Variants in BICD1 observed in about 807,000 individuals in gnomAD.
BICD1 encodes protein bicaudal D homolog 1.
In BICD1, 35 loss-of-function variants were observed where a neutral mutation model predicts 92.5. That is an observed-to-expected ratio of 0.38 (90% confidence interval 0.29 to 0.50). The LOEUF is 0.50. BICD1 is among the 20% of genes least tolerant of loss of function. The probability of loss-of-function intolerance (pLI) is 0.93; values close to 1 mark genes in which losing one functional copy is unlikely to be tolerated. For missense variants in BICD1, 950 were observed against 1,189.8 expected (o/e 0.80, Z 2.97); for synonymous variants, 429 against 465.1 (o/e 0.92, Z 1.00).
At chr12:32,214,649 T>C (rs1236495681) in intron 1 of BICD1, among the ~76,000 whole-genome samples, 2 of 152,148 alleles carry the variant, frequency 1.3e-5, no homozygotes, top group Non-Finnish European at 2.9e-5. Context: ...ATTTCCATAA[T>C]CTCTATGAGA....
At chr12:32,294,835 A>C in intron 3 of BICD1, among the ~76,000 whole-genome samples, 1 of 151,952 alleles carries the variant, frequency 6.6e-6, no homozygotes, top group South Asian at 2.1e-4. Flanking sequence ...TAATCCCAGC[A>C]CTTTGGGAGG....
At chr12:32,202,913 A>G (rs1944946673) in intron 1 of BICD1, among the ~76,000 whole-genome samples, 1 of 152,202 alleles carries the variant, frequency 6.6e-6, no homozygotes, top group East Asian at 1.9e-4. Flanking sequence ...ACCAGGCCCA[A>G]AGTTAAAATA....
intron 1 of BICD1, among the ~76,000 whole-genome samples, chr12:32,140,668 G>A (rs1231223408): frequency 3.9e-5 from 6 of 152,060 alleles, no homozygotes; most frequent in Non-Finnish European, 8.8e-5. Context: ...TACGCGCACC[G>A]TATTTGATTC....
At chr12:32,196,001 T>C (rs1051633182) in intron 1 of BICD1, among the ~76,000 whole-genome samples, 1 of 152,168 alleles carries the variant, frequency 6.6e-6, no homozygotes, top group Non-Finnish European at 1.5e-5. Flanking sequence ...TGGACATTTT[T>C]CCAAAGAAGA....
chr12:32,263,344 C>T (rs1325756314), intron 2 of BICD1, among the ~76,000 whole-genome samples: 1 of 151,934 alleles, frequency 6.6e-6, no homozygotes, highest in Non-Finnish European at 1.5e-5. Context: ...GTCAGGAGTT[C>T]AAGACCACTC....
At chr12:32,245,368 T>G (rs545482184) in intron 2 of BICD1, among the ~76,000 whole-genome samples, 1 of 152,090 alleles carries the variant, frequency 6.6e-6, no homozygotes, top group African/African-American at 2.4e-5. Context: ...AAGAGCTTAG[T>G]TTAAGCTCAA....
chr12:32,265,255 C>G (rs1946960221), intron 2 of BICD1, among the ~76,000 whole-genome samples: 1 of 152,118 alleles, frequency 6.6e-6, no homozygotes, highest in South Asian at 2.1e-4. Flanking sequence ...GCTTCCTGTA[C>G]TTCGTTCAGT....
At chr12:32,333,710 A>G (rs1184755491) in intron 5 of BICD1, among the ~76,000 whole-genome samples, 1 of 152,216 alleles carries the variant, frequency 6.6e-6, no homozygotes, top group Non-Finnish European at 1.5e-5. Context: ...GCAATCCCTA[A>G]GTATACACTG....
intron 1 of BICD1, among the ~76,000 whole-genome samples, chr12:32,130,764 C>T (rs1165020829): frequency 6.6e-6 from 1 of 152,028 alleles, no homozygotes; most frequent in African/African-American, 2.4e-5. Context: ...TAAAAGTAAT[C>T]GAAGTATGCT....
rs962354642 is a variant in BICD1 at position 32,190,146 on chromosome 12, C to CA, written c.214-26092dup. ...AGAAATGAATCAAAGCATACCACTA[C>CA]AAAAAAAAATTTAAAGTCACAAAGC... is the stretch of plus-strand genomic sequence containing the variant. On this transcript the variant is annotated intron_variant, in intron 1 of 9. Transcript: ENST00000652176. Among the ~76,000 whole-genome samples, 263 of 150,622 alleles carry CA rather than the reference C, an allele frequency of 1.7e-3. 1 individual carries two copies. Among genetic ancestry groups the CA allele is most frequent in the Middle Eastern group, 6.8e-3 (2 of 294 alleles).
intron 2 of BICD1, among the ~76,000 whole-genome samples, chr12:32,221,363 AT>A (rs1565597234): frequency 2.3e-4 from 34 of 150,986 alleles, no homozygotes; most frequent in African/African-American, 8.2e-4. Flanking sequence ...AAAAAAATAA[AT>A]AAATAAATAA....
At chr12:32,134,755 T>C (rs1332517700) in intron 1 of BICD1, among the ~76,000 whole-genome samples, 1 of 152,172 alleles carries the variant, frequency 6.6e-6, no homozygotes. Context: ...TGTGTGGTTG[T>C]TAAACTTTCT....
At chr12:32,346,005 C>T (rs1398790220) in intron 8 of BICD1, among the ~76,000 whole-genome samples, 4 of 151,760 alleles carry the variant, frequency 2.6e-5, no homozygotes, top group Admixed American at 6.6e-5. Flanking sequence ...AAAGATTATT[C>T]GGGCATAGTG....
intron 1 of BICD1, among the ~76,000 whole-genome samples, chr12:32,156,856 C>A (rs1347491391): frequency 6.6e-6 from 1 of 152,194 alleles, no homozygotes; most frequent in African/African-American, 2.4e-5. Flanking sequence ...TTGAAAATTA[C>A]TAGTGGTCAA....
chr12:32,259,693 C>G (rs954879663), intron 2 of BICD1, among the ~76,000 whole-genome samples: 1 of 152,186 alleles, frequency 6.6e-6, no homozygotes, highest in Non-Finnish European at 1.5e-5. Flanking sequence ...ACTTCACTTA[C>G]ACTCACATTT....
At position 32,271,276 on chromosome 12, in the gene BICD1, T is replaced by C. The variant is rs543743734; in HGVS notation, c.427-22718T>C. On this transcript the variant is annotated intron_variant, in intron 2 of 9. Transcript: ENST00000652176. Reference sequence around the variant, plus strand: ...TGTTTCCACAGTGCTTCCAGCCCTCTCCCCAGTTTGGAGGCCCCCAAAATG... The same window carrying C: ...TGTTTCCACAGTGCTTCCAGCCCTCCCCCCAGTTTGGAGGCCCCCAAAATG... 1.6e-4 allele frequency among the ~76,000 whole-genome samples: 24 copies of C among 152,230 alleles called. 1 individual carries two copies. Among genetic ancestry groups the C allele is most frequent in the Admixed American group, 1.3e-3 (20 of 15,288 alleles).
At chr12:32,217,317 G>A (rs1489048014) in intron 2 of BICD1, among the ~76,000 whole-genome samples, 1 of 152,170 alleles carries the variant, frequency 6.6e-6, no homozygotes, top group East Asian at 1.9e-4. Flanking sequence ...GCATTTTAGT[G>A]ATAGAAATAT....
Position 32,327,605 on chromosome 12 carries a change from A to C in BICD1, c.1150A>C (p.Ser384Arg), listed in dbSNP as rs1014205883. 1 of 1,614,156 alleles carries C rather than the reference A, an allele frequency of 6.2e-7. No homozygotes were observed. The highest frequency in any genetic ancestry group is 8.5e-7 in the Non-Finnish European group (1 of 1,180,014). The change falls in exon 5 of 10, where the codon AGC becomes CGC. Residue 384 changes from serine to arginine, a missense_variant. By Grantham distance (110) the Ser-to-Arg change is moderately radical. Around this residue, in one of 5 missense-constraint regions of BICD1, gnomAD observed 246 missense variants for 258.4 expected, o/e 0.95. Coordinates refer to ENST00000652176, the MANE Select transcript of BICD1 (RefSeq NM_001714.4). ...CAATGCCATGAGGGGCCTGCAAAGC[A>C]GCAAGGAGCTCAAGGCTGAGCTGGA... ...HVNAMRGLQS[S>R]KELKAELDGE...
chr12:32,318,632 A>T (rs1344660972), intron 4 of BICD1, among the ~76,000 whole-genome samples: 1 of 152,196 alleles, frequency 6.6e-6, no homozygotes, highest in Non-Finnish European at 1.5e-5. Flanking sequence ...AGGCAGGTGG[A>T]TCACCTGAGG....
Sources: gnomAD v4.1 joint callset for allele counts (sites outside exome capture counted in the v4.1 genomes callset) on GRCh38, gnomAD v4.1.1 for gene constraint, gnomAD v4.1.1 regional missense constraint, MANE v1.5 for transcripts, NCBI Gene and HGNC (gene_info 2026-07-23, HGNC 2026-07-21) for gene names.